The following ARHGEF33 variants were observed in gnomAD, a reference collection of about 807,000 sequenced individuals.
The protein encoded by ARHGEF33 is Rho guanine nucleotide exchange factor 33, also known as DH and coiled-coil domain-containing protein ENSP00000381780.
In ARHGEF33, 72 loss-of-function variants were observed where a neutral mutation model predicts 101.9. The ratio of observed to expected loss-of-function variants is 0.71; its 90% CI spans 0.58 to 0.86. ARHGEF33 has a LOEUF of 0.86. ARHGEF33 is among the 40% of genes least tolerant of loss of function. ARHGEF33 has a pLI of 0.00. For missense variants in ARHGEF33, 1,169 were observed against 1,111.3 expected (o/e 1.05, Z -0.74); for synonymous variants, 499 against 442.5 (o/e 1.13, Z -1.60).
intron 7 of ARHGEF33, among the ~76,000 whole-genome samples, chr2:38,935,151 T>C (rs1303353313): frequency 6.6e-6 from 1 of 152,020 alleles, no homozygotes; most frequent in Non-Finnish European, 1.5e-5. Context: ...ATGGGAGCCA[T>C]TGGAGGGCTA....
rs572321858 is a variant in ARHGEF33 at position 38,890,792 on chromosome 2, A to G, written c.-159+806A>G. ...GAAGGCTACTTCTGAAGGATTCAACATAATGATCAGAAATGTATCCTAGAG... is the reference window on the plus strand; with the variant it reads ...GAAGGCTACTTCTGAAGGATTCAACGTAATGATCAGAAATGTATCCTAGAG... On this transcript the variant is annotated intron_variant, in intron 1 of 17. Transcript: ENST00000409978. Among the ~76,000 whole-genome samples, 4 of 152,328 alleles carry G rather than the reference A, an allele frequency of 2.6e-5. No homozygotes were observed. In the East Asian group the frequency reaches 5.8e-4, roughly 22 times the overall value.
intron 2 of ARHGEF33, among the ~76,000 whole-genome samples, chr2:38,900,056 G>A (rs900010143): frequency 1.3e-5 from 2 of 152,026 alleles, no homozygotes; most frequent in Admixed American, 1.3e-4. Flanking sequence ...GTCTGGTGTG[G>A]TGGCATGCAC....
chr2:38,902,343 C>T (rs1203416658), intron 2 of ARHGEF33, among the ~76,000 whole-genome samples: 1 of 152,130 alleles, frequency 6.6e-6, no homozygotes, highest in Non-Finnish European at 1.5e-5. Context: ...CCACTTACTT[C>T]TGAGGTCTGC....
At chr2:38,890,337 G>A (rs1260154405) in intron 1 of ARHGEF33, among the ~76,000 whole-genome samples, 1 of 152,128 alleles carries the variant, frequency 6.6e-6, no homozygotes, top group East Asian at 1.9e-4. Flanking sequence ...ATCTGACATG[G>A]ACATGCCTCT....
chr2:38,942,164 C>CTTTT (rs35282727), intron 9 of ARHGEF33, among the ~76,000 whole-genome samples: 114 of 107,296 alleles, frequency 1.1e-3, no homozygotes, highest in Middle Eastern at 5.1e-3. Flanking sequence ...TCTCTCCTTT[C>CTTTT]TTTTTTTTTT....
intron 1 of ARHGEF33, among the ~76,000 whole-genome samples, chr2:38,893,936 T>C (rs1441716472): frequency 6.6e-6 from 1 of 152,142 alleles, no homozygotes; most frequent in East Asian, 1.9e-4. Flanking sequence ...AGTGAAGACT[T>C]CTAAAGTCTG....
chr2:38,968,723 T>G (rs1341178697), intron 17 of ARHGEF33, among the ~76,000 whole-genome samples: 2 of 152,164 alleles, frequency 1.3e-5, no homozygotes, highest in Non-Finnish European at 2.9e-5. Flanking sequence ...AAATCCGAAG[T>G]GTTGTCTGAG....
intron 14 of ARHGEF33, 30 bp from the exon 15 acceptor site, chr2:38,958,004 A>T: frequency 1.3e-6 from 2 of 1,551,766 alleles, no homozygotes; most frequent in Non-Finnish European, 8.7e-7. Flanking sequence ...CCACTGTACA[A>T]CCTGAGAACT....
intron 1 of ARHGEF33, among the ~76,000 whole-genome samples, chr2:38,891,350 C>A (rs756987251): frequency 1.3e-5 from 2 of 152,120 alleles, no homozygotes; most frequent in Non-Finnish European, 2.9e-5. Context: ...CAAAGATCAA[C>A]TGATCTTCCT....
intron 2 of ARHGEF33, among the ~76,000 whole-genome samples, chr2:38,901,983 C>T (rs1048405900): frequency 6.6e-6 from 1 of 151,916 alleles, no homozygotes; most frequent in Non-Finnish European, 1.5e-5. Context: ...GGCGTGTTGG[C>T]GGGCGCCTGT....
chr2:38,913,043 T>G (rs1023379602), intron 2 of ARHGEF33, among the ~76,000 whole-genome samples: 2 of 151,758 alleles, frequency 1.3e-5, no homozygotes, highest in African/African-American at 2.4e-5. Flanking sequence ...AAATTGTTTT[T>G]TTTTTTTTTT....
In ARHGEF33 at chr2:38,960,736, A is replaced by G. The variant is rs1558444863; in HGVS notation, c.2343+88A>G. On this transcript the variant is annotated intron_variant, in intron 16 of 17. Coordinates refer to ENST00000409978, the MANE Select transcript of ARHGEF33 (RefSeq NM_001145451.5). The stretch of plus-strand genomic sequence containing the variant: ...CATCCCGAGTTCTCCTAGCGTGGAG[A>G]GGAGCGGGGCCGGGCCAGGCTAGGG... 6.4e-6 allele frequency: 7 copies of G among 1,092,462 alleles called. 1 individual carries two copies. The Admixed American group carries it at 1.4e-4, about 22-fold the overall frequency. The allele number at this position is 1,092,462 out of a possible 1,614,324, so 67.7% of individuals were successfully genotyped here.
Position 38,911,367 on chromosome 2 carries a change from C to T in ARHGEF33, c.-85-7996C>T, listed in dbSNP as rs189928335. Among the ~76,000 whole-genome samples, 4 of 152,100 alleles carry T rather than the reference C, an allele frequency of 2.6e-5. No individual in the cohort carries two copies. The South Asian group carries it at 6.2e-4, about 24-fold the overall frequency. Reference sequence around the variant, plus strand: ...CTAAAGACCCATTCAATAAAGGACACTGAAATGGAAATTAACTCAAGTCTG... The same window carrying T: ...CTAAAGACCCATTCAATAAAGGACATTGAAATGGAAATTAACTCAAGTCTG... On this transcript the variant is annotated intron_variant, in intron 2 of 17. Coordinates refer to ENST00000409978, the MANE Select transcript of ARHGEF33 (RefSeq NM_001145451.5).
intron 2 of ARHGEF33, among the ~76,000 whole-genome samples, chr2:38,907,926 A>G (rs1178005744): frequency 6.8e-6 from 1 of 148,072 alleles, no homozygotes; most frequent in African/African-American, 2.5e-5. Context: ...TGGCACTATC[A>G]TGACTCACTG....
intron 2 of ARHGEF33, among the ~76,000 whole-genome samples, chr2:38,896,817 C>T (rs929002688): frequency 1.3e-5 from 2 of 152,154 alleles, no homozygotes; most frequent in African/African-American, 4.8e-5. Context: ...TTTAAAAGCC[C>T]ATCATCCTAC....
chr2:38,916,231 T>C (rs1350514386), intron 2 of ARHGEF33, among the ~76,000 whole-genome samples: 1 of 152,190 alleles, frequency 6.6e-6, no homozygotes, highest in Non-Finnish European at 1.5e-5. Context: ...ATCCCATAAA[T>C]ATATGGCTTT....
chr2:38,956,469 G>A (rs1424129919), intron 13 of ARHGEF33, among the ~76,000 whole-genome samples: 1 of 152,178 alleles, frequency 6.6e-6, no homozygotes, highest in African/African-American at 2.4e-5. Flanking sequence ...CAGCACAGCG[G>A]GGAATGTAAC....
chr2:38,931,269 T>C lies in ARHGEF33; in HGVS notation c.505+18T>C, dbSNP rs1218731837. The C allele has an allele frequency of 2.3e-5, 36 of 1,536,306 alleles. No homozygotes were observed. In the East Asian group the frequency reaches 6.9e-4, roughly 29 times the overall value. On this transcript the variant is annotated intron_variant, in intron 7 of 17. Coordinates refer to ENST00000409978, the MANE Select transcript of ARHGEF33 (RefSeq NM_001145451.5). ...CGAGAAAGGTACAGTTCACAAATCA[T>C]ACTGAATTAATCAAGTATTTTTTTC...
chr2:38,957,171 A>G (rs1384030574), intron 14 of ARHGEF33, 124 bp downstream of exon 14: 7 of 1,229,802 alleles, frequency 5.7e-6, no homozygotes, highest in Non-Finnish European at 8.0e-6. Context: ...GAAAGAGAGA[A>G]GGGGAGAGAA....
Sources: gnomAD v4.1 joint callset for allele counts (sites outside exome capture counted in the v4.1 genomes callset) on GRCh38, gnomAD v4.1.1 for gene constraint, MANE v1.5 for transcripts, NCBI Gene and HGNC (gene_info 2026-07-23, HGNC 2026-07-21) for gene names.